The following RARB variants were observed in gnomAD, a reference collection of about 807,000 sequenced individuals.
The protein encoded by RARB is retinoic acid receptor beta.
Under a neutral mutation model 51.9 loss-of-function variants are expected in RARB, and 17 were observed. The ratio of observed to expected loss-of-function variants is 0.33; its 90% CI spans 0.22 to 0.49. The LOEUF is 0.49. RARB is among the 20% of genes least tolerant of loss of function. The pLI is 0.99. For missense variants in RARB, 369 were observed against 550.8 expected (o/e 0.67, Z 3.30); for synonymous variants, 215 against 195.4 (o/e 1.10, Z -0.84).
chr3:25,594,371 G>A, intron 6 of RARB, 149 bp from the exon 7 acceptor site: 1 of 801,980 alleles, frequency 1.2e-6, no homozygotes, highest in Non-Finnish European at 1.8e-6. Context: ...AAGTATCACT[G>A]CTTAAAGCAA....
intron 5 of RARB, among the ~76,000 whole-genome samples, chr3:25,338,883 C>A (rs1705139764): frequency 6.6e-6 from 1 of 152,134 alleles, no homozygotes; most frequent in East Asian, 1.9e-4. Context: ...AAAATCACCA[C>A]TCAAAGGTTA....
intron 3 of RARB, among the ~76,000 whole-genome samples, chr3:25,551,573 A>G (rs971707681): frequency 1.3e-5 from 2 of 152,198 alleles, no homozygotes; most frequent in African/African-American, 4.8e-5. Flanking sequence ...GAGAAGATCA[A>G]TGTGAGGTGC....
At chr3:25,051,400 A>T (rs1036110527) in intron 2 of RARB, among the ~76,000 whole-genome samples, 2 of 152,208 alleles carry the variant, frequency 1.3e-5, no homozygotes, top group African/African-American at 4.8e-5. Context: ...AGTACTTTCA[A>T]AGAACTGTCT....
rs142542035 is a variant in RARB at position 25,208,620 on chromosome 3, G to A, written c.178+34045G>A. ...TCTTTGTCTATTCTTTTTTTTTCTA[G>A]AAAAGAGAAAACATCTCACTGCACC... On this transcript the variant is annotated intron_variant, in intron 5 of 11. Coordinates refer to the RARB transcript ENST00000383772. Among the ~76,000 whole-genome samples, 428 of 151,836 alleles carry A rather than the reference G, an allele frequency of 2.8e-3. 1 individual carries two copies. Among genetic ancestry groups the A allele is most frequent in the Non-Finnish European group, 4.3e-3 (289 of 67,938 alleles).
chr3:24,894,125 G>A (rs1199113347), intron 2 of RARB, among the ~76,000 whole-genome samples: 3 of 151,898 alleles, frequency 2.0e-5, no homozygotes, highest in Non-Finnish European at 2.9e-5. Context: ...TTATAATTTC[G>A]ACTTTTCTCA....
At chr3:25,216,682 T>C (rs1359502231) in intron 5 of RARB, among the ~76,000 whole-genome samples, 4 of 151,532 alleles carry the variant, frequency 2.6e-5, no homozygotes, top group African/African-American at 7.3e-5. Flanking sequence ...AATCTGCACA[T>C]TCTGCACGTG....
intron 5 of RARB, among the ~76,000 whole-genome samples, chr3:25,390,916 A>G (rs753534753): frequency 6.6e-5 from 10 of 152,076 alleles, no homozygotes; most frequent in African/African-American, 1.9e-4. Context: ...TTTAATTTCA[A>G]TAGGTTTTGG....
chr3:24,992,518 T>C (rs547631235), intron 2 of RARB, among the ~76,000 whole-genome samples: 272 of 152,352 alleles, frequency 1.8e-3, no homozygotes, highest in African/African-American at 6.4e-3. Context: ...ATCTGTTTCA[T>C]GGCTATAAAT....
intron 4 of RARB, among the ~76,000 whole-genome samples, chr3:25,133,828 G>A (rs2125334139): frequency 1.0e-5 from 1 of 98,966 alleles, no homozygotes; most frequent in Non-Finnish European, 2.1e-5. Context: ...TGTGACACAA[G>A]GAGGGGGGAA....
chr3:25,448,389 C>T (rs1709043502), intron 1 of RARB, among the ~76,000 whole-genome samples: 1 of 146,980 alleles, frequency 6.8e-6, no homozygotes, highest in Admixed American at 7.1e-5. Flanking sequence ...GGAATCACTG[C>T]TCTGAAGGAA....
intron 2 of RARB, among the ~76,000 whole-genome samples, chr3:25,014,864 A>G (rs1273534688): frequency 6.6e-6 from 1 of 152,042 alleles, no homozygotes; most frequent in African/African-American, 2.4e-5. Flanking sequence ...AACCCTCACA[A>G]GTTCACCTCT....
chr3:25,230,497 T>C (rs1294374097), intron 5 of RARB, among the ~76,000 whole-genome samples: 1 of 152,106 alleles, frequency 6.6e-6, no homozygotes, highest in African/African-American at 2.4e-5. Context: ...GAATAGAGTA[T>C]TTCAAAGAAA....
chr3:25,521,010 G>A (rs1426544491), intron 3 of RARB, among the ~76,000 whole-genome samples: 1 of 152,100 alleles, frequency 6.6e-6, no homozygotes, highest in African/African-American at 2.4e-5. Context: ...AATATCAAGA[G>A]TATCAAAAAG....
chr3:25,561,948 GCA>G (rs1239044087), intron 3 of RARB, among the ~76,000 whole-genome samples: 5 of 152,118 alleles, frequency 3.3e-5, no homozygotes, highest in African/African-American at 1.2e-4. Context: ...TTTTTGAAAG[GCA>G]GTCTATGCCT....
At chr3:24,985,266 G>A (rs1200989688) in intron 2 of RARB, among the ~76,000 whole-genome samples, 2 of 151,904 alleles carry the variant, frequency 1.3e-5, no homozygotes, top group South Asian at 2.1e-4. Flanking sequence ...GAGATTGCAC[G>A]CCAACATCTT....
At chr3:25,370,499 G>T (rs534316224) in intron 5 of RARB, among the ~76,000 whole-genome samples, 1 of 152,292 alleles carries the variant, frequency 6.6e-6, no homozygotes, top group East Asian at 1.9e-4. Context: ...GAGGGAAGAG[G>T]TTGGAGGAAC....
intron 2 of RARB, among the ~76,000 whole-genome samples, chr3:25,007,509 C>A (rs1174241124): frequency 6.8e-6 from 1 of 147,432 alleles, no homozygotes; most frequent in Non-Finnish European, 1.5e-5. Flanking sequence ...CACCTGTAAT[C>A]CCAGCTACCT....
chr3:25,102,591 T>C (rs1489776800), intron 3 of RARB, among the ~76,000 whole-genome samples: 1 of 151,898 alleles, frequency 6.6e-6, no homozygotes, highest in African/African-American at 2.4e-5. Context: ...GTTCAAAATA[T>C]ATATATTTGA....
chr3:25,403,262 A>G (rs1707314620), intron 5 of RARB, among the ~76,000 whole-genome samples: 1 of 152,126 alleles, frequency 6.6e-6, no homozygotes, highest in Admixed American at 6.5e-5. Context: ...TAAAGAGTGT[A>G]ATTGGATTGT....
Sources: allele counts gnomAD v4.1 joint callset (sites outside exome capture counted in the v4.1 genomes callset), GRCh38; gene constraint gnomAD v4.1.1; transcripts MANE v1.5; gene names NCBI Gene and HGNC (gene_info 2026-07-23, HGNC 2026-07-21).